The following ADAMTS16 variants were observed in gnomAD, a reference collection of about 807,000 sequenced individuals.
ADAMTS16 encodes the protein ADAM metallopeptidase with thrombospondin type 1 motif 16.
ADAMTS16 carries 94 observed loss-of-function variants against 145.8 expected under a neutral mutation model. That is an observed-to-expected ratio of 0.64 (90% CI 0.55 to 0.77). ADAMTS16 has a LOEUF of 0.77. Ranked by LOEUF, ADAMTS16 falls within the 30% of genes least tolerant of loss-of-function variation. The probability of loss-of-function intolerance (pLI) is 0.00; values close to 1 mark genes in which losing one functional copy is unlikely to be tolerated. For synonymous variants in ADAMTS16, 659 were observed against 604.3 expected (o/e 1.09, Z -1.33); for missense variants, 1,585 against 1,591.5 (o/e 1.00, Z 0.07).
chr5:5,206,416 A>C (rs1579310366), intron 9 of ADAMTS16, among the ~76,000 whole-genome samples: 1 of 48,824 alleles, frequency 2.0e-5, no homozygotes, highest in Non-Finnish European at 3.6e-5. Flanking sequence ...ACAGAGCGAG[A>C]CTCCGTCTCA....
intron 10 of ADAMTS16, among the ~76,000 whole-genome samples, chr5:5,213,883 G>A (rs543830906): frequency 1.3e-4 from 20 of 152,212 alleles, no homozygotes; most frequent in Admixed American, 1.0e-3. Context: ...ACCCCTTACC[G>A]TTAGGACCTG....
intron 17 of ADAMTS16, among the ~76,000 whole-genome samples, chr5:5,256,836 A>T (rs1448886810): frequency 6.6e-6 from 1 of 152,186 alleles, no homozygotes; most frequent in Non-Finnish European, 1.5e-5. Flanking sequence ...CACACCTCCT[A>T]AAAAGCCGTA....
rs970632666 is a variant in ADAMTS16, at chr5:5,222,718, A to T, written c.1606-71A>T. 4 of 1,261,846 alleles carry T rather than the reference A, an allele frequency of 3.2e-6. No individual in the cohort carries two copies. The African/African-American group carries it at 5.9e-5, about 19-fold the overall frequency. 78.2% of individuals were successfully genotyped at this position (1,261,846 alleles called of 1,614,324 possible). On this transcript the variant is annotated intron_variant, in intron 10 of 22. Transcript: ENST00000274181. ...CTGTTGTTTTCACCTTAAATCTCTC[A>T]GTGATATTTTTATTATAGATGAATT...
At chr5:5,211,695 T>C (rs1736274158) in intron 10 of ADAMTS16, among the ~76,000 whole-genome samples, 2 of 152,164 alleles carry the variant, frequency 1.3e-5, no homozygotes, top group Non-Finnish European at 2.9e-5. Flanking sequence ...TTAGAGCTAT[T>C]AATGTCTTTC....
intron 8 of ADAMTS16, among the ~76,000 whole-genome samples, chr5:5,192,184 G>A (rs181829271): frequency 6.6e-5 from 10 of 152,186 alleles, no homozygotes; most frequent in South Asian, 6.2e-4. Flanking sequence ...GGGTTTCGCC[G>A]TGTTGCTCAG....
At chr5:5,253,595 T>C (rs1342847239) in intron 17 of ADAMTS16, among the ~76,000 whole-genome samples, 2 of 152,156 alleles carry the variant, frequency 1.3e-5, no homozygotes, top group Non-Finnish European at 2.9e-5. Context: ...TCCCAAGATT[T>C]ATTTTCCTTT....
chr5:5,182,949 C>A (rs1057257958), intron 4 of ADAMTS16, among the ~76,000 whole-genome samples: 1 of 152,168 alleles, frequency 6.6e-6, no homozygotes, highest in Non-Finnish European at 1.5e-5. Flanking sequence ...AGTCTCTGGA[C>A]TGCCCCCTCT....
intron 17 of ADAMTS16, among the ~76,000 whole-genome samples, chr5:5,243,811 A>G (rs1291322365): frequency 6.6e-6 from 1 of 152,198 alleles, no homozygotes; most frequent in African/African-American, 2.4e-5. Flanking sequence ...AGGGGAACTC[A>G]GTGTTCTCAG....
At chr5:5,301,242 G>C (rs1233733854) in intron 18 of ADAMTS16, among the ~76,000 whole-genome samples, 2 of 151,976 alleles carry the variant, frequency 1.3e-5, no homozygotes, top group Non-Finnish European at 2.9e-5. Flanking sequence ...TATTTTTTGT[G>C]TGTGGAGATG....
intron 18 of ADAMTS16, among the ~76,000 whole-genome samples, chr5:5,283,273 A>AT (rs1300192350): frequency 5.9e-5 from 9 of 152,148 alleles, no homozygotes; most frequent in African/African-American, 2.2e-4. Flanking sequence ...TTACATTGTA[A>AT]TTTTTTATCT....
chr5:5,194,722 G>A (rs1424786775), intron 8 of ADAMTS16, among the ~76,000 whole-genome samples: 2 of 152,134 alleles, frequency 1.3e-5, no homozygotes, highest in East Asian at 3.8e-4. Flanking sequence ...TTGGAAGAAG[G>A]AATGATAAGT....
At chr5:5,253,798 G>A (rs924819880) in intron 17 of ADAMTS16, among the ~76,000 whole-genome samples, 2 of 152,112 alleles carry the variant, frequency 1.3e-5, no homozygotes, top group Admixed American at 6.5e-5. Context: ...TGCAGCCTTC[G>A]ACAGCTGGTC....
At chr5:5,144,391 G>A (rs1734242772) in intron 2 of ADAMTS16, among the ~76,000 whole-genome samples, 2 of 152,126 alleles carry the variant, frequency 1.3e-5, no homozygotes, top group South Asian at 2.1e-4. Flanking sequence ...GCCTCATGTG[G>A]TGAAATAATA....
chr5:5,202,434 A>T (rs889519199), intron 9 of ADAMTS16, among the ~76,000 whole-genome samples: 2 of 152,210 alleles, frequency 1.3e-5, no homozygotes, highest in African/African-American at 4.8e-5. Flanking sequence ...AACTGACATG[A>T]TGCATAGGAG....
At chr5:5,288,888 G>A (rs1047293016) in intron 18 of ADAMTS16, among the ~76,000 whole-genome samples, 21 of 152,122 alleles carry the variant, frequency 1.4e-4, no homozygotes, top group African/African-American at 5.1e-4. Context: ...GACCATCAAC[G>A]ACCTCTGTGG....
rs372614961 is a variant in ADAMTS16 at position 5,292,373 on chromosome 5, T to C, written c.2790-10895T>C. On this transcript the variant is annotated intron_variant, in intron 18 of 22. Transcript: ENST00000274181. ...TTAGCCGGGCATGGAGGTGCACGCC[T>C]GTAATCCCAGCTACTTGGGAGGCTG... is the stretch of plus-strand genomic sequence containing the variant. 1.4e-3 allele frequency among the ~76,000 whole-genome samples: 215 copies of C among 152,158 alleles called. 3 individuals carry two copies. The highest frequency in any genetic ancestry group is 3.4e-3 in the Middle Eastern group (1 of 294).
chr5:5,320,094 T>TG lies in ADAMTS16; in HGVS notation c.*956_*957insG. On this transcript the variant is annotated 3_prime_UTR_variant, in exon 23 of 23. Coordinates refer to ENST00000274181, the MANE Select transcript of ADAMTS16 (RefSeq NM_139056.4). The surrounding 1 kb of genome is among the most constrained non-coding windows in gnomAD (Gnocchi z 5.1). ...TGTTGTGAGATTTTAATCTTTTTTT[T>TG]TTCGGTGAGTCTGGCCATTTCTATA... The TG allele has an allele frequency of 2.8e-6, 1 of 353,646 alleles. No individual in the cohort carries two copies. The highest frequency in any genetic ancestry group is 2.1e-5 in the South Asian group (1 of 47,810). The allele number at this position is 353,646 out of a possible 1,614,324, so 21.9% of individuals were successfully genotyped here.
rs73735770 is a variant in ADAMTS16, at chr5:5,254,625, A to C, written c.2663-8032A>C. 6.6e-3 allele frequency among the ~76,000 whole-genome samples: 1,001 copies of C among 152,274 alleles called. 11 individuals carry two copies. The highest frequency in any genetic ancestry group is 0.022 in the African/African-American group (907 of 41,560). On this transcript the variant is annotated intron_variant, in intron 17 of 22. Transcript: ENST00000274181. ...TAAAAAATAGAGGGTAAATTTATGA[A>C]ATGCTGAACTTTATTACATTTATGG...
chr5:5,282,249 C>A (rs1280657460), intron 18 of ADAMTS16, among the ~76,000 whole-genome samples: 1 of 152,114 alleles, frequency 6.6e-6, no homozygotes, highest in African/African-American at 2.4e-5. Flanking sequence ...TTAATAGATT[C>A]TTGTTTACAT....
Sources: gnomAD v4.1 joint callset for allele counts (sites outside exome capture counted in the v4.1 genomes callset) on GRCh38, gnomAD v4.1.1 for gene constraint, Gnocchi (gnomAD v3.1) non-coding constraint, MANE v1.5 for transcripts, NCBI Gene and HGNC (gene_info 2026-07-23, HGNC 2026-07-21) for gene names.